Variants in NOL8 observed in about 807,000 individuals in gnomAD.
NOL8 encodes the protein nucleolar protein Nop132.
A neutral mutation model predicts 116.1 loss-of-function variants in NOL8; 93 were observed. The observed-to-expected ratio is 0.80, with a 90% CI of 0.68 to 0.95. The LOEUF (loss-of-function observed/expected upper bound fraction) is 0.95. Ranked by LOEUF, NOL8 falls within the 40% of genes least tolerant of loss-of-function variation. The probability of loss-of-function intolerance (pLI) is 0.00; values close to 1 mark genes in which losing one functional copy is unlikely to be tolerated. For synonymous variants in NOL8, 419 were observed against 469.0 expected, an observed-to-expected ratio of 0.89 and a Z score of 1.38; for missense variants, 1,291 against 1,382.8, an observed-to-expected ratio of 0.93 and a Z score of 1.05.
At chr9:92,299,773 AAAAG>A in intron 14 of NOL8, 113 bp downstream of exon 14, 3 of 1,128,974 alleles carry the variant, frequency 2.7e-6, no homozygotes, top group South Asian at 1.6e-5. Context: ...ATAAAATAAA[AAAAG>A]AAGCTAAGAC....
At chr9:92,323,078 C>G in intron 3 of NOL8, 1 of 234,766 alleles carries the variant, frequency 4.3e-6, no homozygotes, top group Non-Finnish European at 8.5e-6. Flanking sequence ...AAAGCCCCCT[C>G]AAGAGTGTTT....
At chr9:92,309,382 A>G (rs1370281503) in intron 10 of NOL8, among the ~76,000 whole-genome samples, 1 of 152,168 alleles carries the variant, frequency 6.6e-6, no homozygotes, top group Non-Finnish European at 1.5e-5. Flanking sequence ...AGACCTAACT[A>G]TGTCTGTAGA....
intron 9 of NOL8, 51 bp downstream of exon 9, chr9:92,310,502 T>G: frequency 6.4e-7 from 1 of 1,553,846 alleles, no homozygotes; most frequent in Non-Finnish European, 8.7e-7. Flanking sequence ...AAGGACTATG[T>G]CAAAAAATAA....
At chr9:92,300,091 T>A in intron 13 of NOL8, 75 bp from the exon 14 acceptor site, 1 of 1,534,754 alleles carries the variant, frequency 6.5e-7, no homozygotes, top group Non-Finnish European at 8.8e-7. Flanking sequence ...ATTCATTTGA[T>A]TACTTTTACC....
Position 92,315,659 on chromosome 9 carries a change from T to C in NOL8, c.966A>G (p.Thr322=), listed in dbSNP as rs746314197. 6 of 1,612,708 alleles carry C rather than the reference T, an allele frequency of 3.7e-6. No homozygotes were observed. Among genetic ancestry groups the C allele is most frequent in the East Asian group, 2.2e-5 (1 of 44,864 alleles). The change falls in exon 7 of 17, where the codon ACA becomes ACG. Residue 322 remains threonine, a synonymous_variant. Coordinates refer to ENST00000442668, the MANE Select transcript of NOL8 (RefSeq NM_017948.6). ...TTTCAGATTCATTTATTGAGGGTTG[T>C]GTAGTTCTCTGTAAGTTTTCCTCTT... is the stretch of plus-strand genomic sequence containing the variant. The part of the protein sequence containing the change: ...IAKEENLQRT[T]QPSINESESD...
intron 4 of NOL8, chr9:92,319,984 A>G: frequency 2.3e-6 from 1 of 439,250 alleles, no homozygotes; most frequent in Non-Finnish European, 4.6e-6. Context: ...CCCTTTATGG[A>G]AGACCAAGAC....
In NOL8 at chr9:92,297,755, T is replaced by C; in HGVS notation, c.*81A>G. The C allele has an allele frequency of 9.6e-7, 1 of 1,043,386 alleles. No homozygotes were observed. Among genetic ancestry groups the C allele is most frequent in the Non-Finnish European group, 1.4e-6 (1 of 730,096 alleles). The allele number at this position is 1,043,386 out of a possible 1,614,324, so 64.6% of individuals were successfully genotyped here. A position where few individuals can be genotyped will look rare whatever the true frequency, so the allele number is the denominator to read the frequency against. On this transcript the variant is annotated 3_prime_UTR_variant, in exon 17 of 17. Transcript: ENST00000442668. ...ATTCCTTCACTCTGAAATTTCTTCTTTGTCAGCTAAAACTGTTTTCTGGGT... is the reference window on the plus strand; with the variant it reads ...ATTCCTTCACTCTGAAATTTCTTCTCTGTCAGCTAAAACTGTTTTCTGGGT...
At chr9:92,298,377 T>A in intron 15 of NOL8, 41 bp from the exon 16 acceptor site, 1 of 1,278,240 alleles carries the variant, frequency 7.8e-7, no homozygotes. Context: ...AGCAAACTAC[T>A]ACTAAAATTG....
At chr9:92,311,506 G>C (rs918313572) in intron 7 of NOL8, among the ~76,000 whole-genome samples, 1 of 151,924 alleles carries the variant, frequency 6.6e-6, no homozygotes, top group Admixed American at 6.6e-5. Flanking sequence ...AAATCAACAA[G>C]CAAAAAACAA....
intron 1 of NOL8, 157 bp downstream of exon 1, chr9:92,325,149 G>A (rs1396255384): frequency 6.6e-6 from 1 of 152,010 alleles, no homozygotes; most frequent in Non-Finnish European, 1.5e-5. Flanking sequence ...TCCACCACAT[G>A]GCGTGTATTC....
chr9:92,324,263 A>G (rs1289811101), intron 1 of NOL8, 54 bp from the exon 2 acceptor site: 2 of 1,268,882 alleles, frequency 1.6e-6, no homozygotes, highest in Non-Finnish European at 1.1e-6. Flanking sequence ...TAACAAAACA[A>G]CTACTTCCTC....
At chr9:92,317,107 C>T (rs1398882478) in intron 6 of NOL8, among the ~76,000 whole-genome samples, 4 of 152,064 alleles carry the variant, frequency 2.6e-5, no homozygotes, top group Non-Finnish European at 5.9e-5. Flanking sequence ...CATGTGCCAC[C>T]GGGCCCAGCC....
In NOL8 at chr9:92,311,210, C is replaced by T; in HGVS notation, c.2408G>A (p.Ser803Asn). ...CGATGTCTCCTCTGTTTCACATTCA[C>T]TGTCAGAACCGAAGATGATGTGCGT... ...KPTHIIFGSDSECETEETSTQ... is the reference protein window; with the variant it reads ...KPTHIIFGSDNECETEETSTQ... The change falls in exon 8 of 17, where the codon AGT (serine) becomes AAT (asparagine). Residue 803 changes from serine (S) to asparagine (N), a missense_variant. By Grantham distance (46) the Ser-to-Asn change is conservative. Coordinates refer to ENST00000442668, the MANE Select transcript of NOL8 (RefSeq NM_017948.6). 1 of 1,613,898 alleles carries T rather than the reference C, an allele frequency of 6.2e-7. No homozygotes were observed. The highest frequency in any genetic ancestry group is 1.3e-5 in the African/African-American group (1 of 75,034).
chr9:92,307,064 A>C (rs1838332153), intron 10 of NOL8, 40 bp from the exon 11 acceptor site: 1 of 1,580,848 alleles, frequency 6.3e-7, no homozygotes, highest in South Asian at 1.2e-5. Context: ...CTTGGAAAAC[A>C]CAGCCTGAGA....
chr9:92,312,827 CAAAAAAAA>C (rs35089570), intron 7 of NOL8, among the ~76,000 whole-genome samples: 1 of 55,464 alleles, frequency 1.8e-5, no homozygotes, highest in Non-Finnish European at 3.4e-5. Context: ...AACTCCATCT[CAAAAAAAA>C]AAAAAAAAAA....
In NOL8 at chr9:92,314,876, C is replaced by T. The variant is rs1839222402; in HGVS notation, c.1749G>A (p.Glu583=). The T allele has an allele frequency of 2.5e-6, 4 of 1,613,494 alleles. No homozygotes were observed. Among genetic ancestry groups the T allele is most frequent in the Non-Finnish European group, 1.7e-6 (2 of 1,179,752 alleles). ...FKGVGCLYEK[E]SMKKSLKDSV... ...TGTCTTTCAAGGATTTTTTCATTGA[C>T]TCCTTTTCATATAGACAGCCTACTC... The change falls in exon 7 of 17, where the codon GAG becomes GAA. Residue 583 remains glutamate, a synonymous_variant. Transcript: ENST00000442668.
chr9:92,297,903 A>T lies in NOL8; in HGVS notation c.3454-17T>A. On this transcript the variant is annotated splice_polypyrimidine_tract_variant and intron_variant, in intron 16 of 16. Transcript: ENST00000442668. ...TCGACAATCCTAGGAAAAAAAAAAG[A>T]CTTGGTTAGCAATAAACAAATTGTT... 6.5e-7 allele frequency: 1 copy of T among 1,531,296 alleles called. No homozygotes were observed. Among genetic ancestry groups the T allele is most frequent in the Non-Finnish European group, 8.8e-7 (1 of 1,135,850 alleles). 94.9% of individuals were successfully genotyped at this position (1,531,296 alleles called of 1,614,324 possible).
intron 16 of NOL8, 57 bp from the exon 17 acceptor site, chr9:92,297,943 T>G (rs1837379273): frequency 1.4e-6 from 2 of 1,392,910 alleles, no homozygotes; most frequent in East Asian, 2.5e-5. Flanking sequence ...AGATGTTCAG[T>G]AGATAGAAGT....
At chr9:92,307,833 T>TA (rs1364783285) in intron 10 of NOL8, among the ~76,000 whole-genome samples, 1 of 152,142 alleles carries the variant, frequency 6.6e-6, no homozygotes, top group African/African-American at 2.4e-5. Context: ...GTAGGAAAGA[T>TA]AGAGTTGAAT....
Sources: allele counts gnomAD v4.1 joint callset (sites outside exome capture counted in the v4.1 genomes callset), GRCh38; gene constraint gnomAD v4.1.1; transcripts MANE v1.5; gene names NCBI Gene and HGNC (gene_info 2026-07-23, HGNC 2026-07-21).